The following ANKRD28 variants were observed in gnomAD, a reference collection of about 807,000 sequenced individuals.
ANKRD28 encodes ankyrin repeat domain 28, also known as serine/threonine-protein phosphatase 6 regulatory ankyrin repeat subunit A.
Under a neutral mutation model 126.5 loss-of-function variants are expected in ANKRD28, and 44 were observed. The observed-to-expected ratio is 0.35, with a 90% CI of 0.27 to 0.45. The LOEUF (loss-of-function observed/expected upper bound fraction) is 0.45. Ranked by LOEUF, ANKRD28 falls within the 20% of genes least tolerant of loss-of-function variation. The pLI, the probability that ANKRD28 is intolerant of heterozygous loss-of-function variation, is 1.00. For missense variants in ANKRD28, 1,110 were observed against 1,316.6 expected, an observed-to-expected ratio of 0.84 and a Z score of 2.43; for synonymous variants, 442 against 468.5, an observed-to-expected ratio of 0.94 and a Z score of 0.73.
Position 15,775,421 on chromosome 3 carries a change from T to C in ANKRD28, c.202-9109A>G, listed in dbSNP as rs184656181. On this transcript the variant is annotated intron_variant, in intron 2 of 27. Coordinates refer to ENST00000683139, the MANE Select transcript of ANKRD28 (RefSeq NM_001349278.2). ...AGGACACCAGCTGGGTGTACTCTAATTCCATTTAATCCTGACACTATCTAC... is the reference window on the plus strand; with the variant it reads ...AGGACACCAGCTGGGTGTACTCTAACTCCATTTAATCCTGACACTATCTAC... Among the ~76,000 whole-genome samples, 20 of 152,292 alleles carry C rather than the reference T, an allele frequency of 1.3e-4. 1 individual carries two copies. The East Asian group carries it at 1.4e-3, about 10-fold the overall frequency.
chr3:15,837,850 T>C (rs1178954702), intron 1 of ANKRD28, among the ~76,000 whole-genome samples: 5 of 147,702 alleles, frequency 3.4e-5, no homozygotes, highest in African/African-American at 1.3e-4. Flanking sequence ...TTTGGTTTTT[T>C]AAAAAGACCA....
intron 18 of ANKRD28, among the ~76,000 whole-genome samples, chr3:15,688,272 C>T (rs2068379247): frequency 6.6e-6 from 1 of 152,110 alleles, no homozygotes. Context: ...TCACAGATCC[C>T]ATCCAGTGTA....
At chr3:15,718,355 T>C (rs115546897) in intron 8 of ANKRD28, among the ~76,000 whole-genome samples, 263 of 152,340 alleles carry the variant, frequency 1.7e-3, no homozygotes, top group African/African-American at 5.9e-3. Flanking sequence ...TACTTAAATA[T>C]ATCTTAATGC....
chr3:15,693,390 A>T (rs544043226), intron 17 of ANKRD28, among the ~76,000 whole-genome samples: 1 of 144,162 alleles, frequency 6.9e-6, no homozygotes, highest in East Asian at 2.0e-4. Flanking sequence ...GTTAACTTGC[A>T]AGCACAAAAA....
chr3:15,721,140 A>T lies in ANKRD28; in HGVS notation c.784-13T>A, dbSNP rs770131359. On this transcript the variant is annotated splice_polypyrimidine_tract_variant and intron_variant, in intron 7 of 27. Transcript: ENST00000683139. ...TTGGTTCATTCATCTATTAGAAGGGAAAAAAATGCGAATGTTAAAGTAGTT... is the reference window on the plus strand; with the variant it reads ...TTGGTTCATTCATCTATTAGAAGGGTAAAAAATGCGAATGTTAAAGTAGTT... 1.6e-5 allele frequency: 26 copies of T among 1,588,886 alleles called. No homozygotes were observed. The highest frequency in any genetic ancestry group is 2.2e-5 in the Non-Finnish European group (26 of 1,166,384).
At chr3:15,734,221 C>T (rs1236041239) in intron 6 of ANKRD28, among the ~76,000 whole-genome samples, 3 of 152,194 alleles carry the variant, frequency 2.0e-5, no homozygotes, top group Non-Finnish European at 4.4e-5. Context: ...AACCAATCCT[C>T]CACATATATG....
chr3:15,686,162 T>A (rs1270143913), intron 19 of ANKRD28, 43 bp from the exon 20 acceptor site: 22 of 1,598,218 alleles, frequency 1.4e-5, no homozygotes, highest in Non-Finnish European at 1.8e-5. Flanking sequence ...CACTTAAGAC[T>A]GTACTCTGGT....
chr3:15,836,617 C>T (rs370794541), intron 1 of ANKRD28, among the ~76,000 whole-genome samples: 11 of 152,040 alleles, frequency 7.2e-5, no homozygotes, highest in African/African-American at 1.2e-4. Context: ...CAGGCTGAAA[C>T]GATGGAAAAA....
At chr3:15,692,054 C>T (rs533164975) in intron 17 of ANKRD28, among the ~76,000 whole-genome samples, 47 of 150,366 alleles carry the variant, frequency 3.1e-4, no homozygotes, top group Non-Finnish European at 6.1e-4. Flanking sequence ...GCGGAAGTAT[C>T]ACTTGAGTCT....
At chr3:15,766,425 A>G in intron 2 of ANKRD28, 113 bp from the exon 3 acceptor site, 1 of 713,716 alleles carries the variant, frequency 1.4e-6, no homozygotes, top group Non-Finnish European at 2.4e-6. Flanking sequence ...ATTAACTATC[A>G]ACTTATTACT....
intron 1 of ANKRD28, among the ~76,000 whole-genome samples, chr3:15,855,561 G>T (rs917517657): frequency 1.3e-5 from 2 of 152,224 alleles, no homozygotes; most frequent in Non-Finnish European, 2.9e-5. Flanking sequence ...GCAGTGAGAT[G>T]ACCTGAGTAC....
chr3:15,796,989 G>A lies in ANKRD28; in HGVS notation c.-468C>T. On this transcript the variant is annotated 5_prime_UTR_variant, in exon 1 of 28. Coordinates refer to ENST00000683139, the MANE Select transcript of ANKRD28 (RefSeq NM_001349278.2). ...CAGCGATACCCACTCTTGCCTGCAAGGTCATATAGTTACCAGTAGCTGTTT... is the reference window on the plus strand; with the variant it reads ...CAGCGATACCCACTCTTGCCTGCAAAGTCATATAGTTACCAGTAGCTGTTT... The A allele has an allele frequency of 1.0e-6, 1 of 985,164 alleles. No homozygotes were observed. The highest frequency in any genetic ancestry group is 1.2e-6 in the Non-Finnish European group (1 of 829,882). The allele number at this position is 985,164 out of a possible 1,614,324, so 61.0% of individuals were successfully genotyped here. A position where few individuals can be genotyped will look rare whatever the true frequency, so the allele number is the denominator to read the frequency against.
rs375572764 is a variant in ANKRD28, at chr3:15,685,982, A to C, written c.2169+20T>G. 33 of 1,595,654 alleles carry C rather than the reference A, an allele frequency of 2.1e-5. No homozygotes were observed. Among genetic ancestry groups the C allele is most frequent in the Non-Finnish European group, 2.6e-5 (30 of 1,166,290 alleles). ...AGGTCATAAAAGCTTTTTGAAAGGA[A>C]AGAGCATATTTCTGCTTACCCCTCT... On this transcript the variant is annotated intron_variant, in intron 20 of 27. Transcript: ENST00000683139.
intron 23 of ANKRD28, among the ~76,000 whole-genome samples, chr3:15,678,588 T>C (rs1306935042): frequency 1.3e-5 from 2 of 151,960 alleles, no homozygotes; most frequent in Non-Finnish European, 2.9e-5. Flanking sequence ...GAAGTAAAGA[T>C]TAATTACAAA....
At chr3:15,765,929 A>G (rs778447939) in intron 3 of ANKRD28, among the ~76,000 whole-genome samples, 6 of 151,628 alleles carry the variant, frequency 4.0e-5, no homozygotes, top group Non-Finnish European at 7.4e-5. Context: ...CTACCTTTCA[A>G]TTTTTTCAAA....
chr3:15,847,838 T>C (rs548143307), intron 1 of ANKRD28, among the ~76,000 whole-genome samples: 1 of 152,344 alleles, frequency 6.6e-6, no homozygotes, highest in East Asian at 1.9e-4. Flanking sequence ...CCAGAATTGA[T>C]TCAAAACAAA....
chr3:15,833,037 T>C lies in ANKRD28; in HGVS notation c.27+26340A>G, dbSNP rs1251422218. On this transcript the variant is annotated intron_variant, in intron 1 of 27. Coordinates refer to the ANKRD28 transcript ENST00000399451. The surrounding 1 kb of genome is among the most constrained non-coding windows in gnomAD (Gnocchi z 4.4). ...CCATAAGGATTTTACTAACTTACAT[T>C]CCCACCAATAGTGTATAGTGTATAA... is the stretch of plus-strand genomic sequence containing the variant. 6.6e-6 allele frequency among the ~76,000 whole-genome samples: 1 copy of C among 152,200 alleles called. No homozygotes were observed. Among genetic ancestry groups the C allele is most frequent in the African/African-American group, 2.4e-5 (1 of 41,442 alleles).
rs1236695609 is a variant in ANKRD28 at position 15,679,320 on chromosome 3, C to T, written c.2542G>A (p.Ala848Thr). The T allele has an allele frequency of 3.1e-6, 5 of 1,613,762 alleles. No homozygotes were observed. Among genetic ancestry groups the T allele is most frequent in the South Asian group, 1.1e-5 (1 of 91,086 alleles). ...TCCTACCTTCCTTTTGAATCTGTGG[C>T]GTTCACAATGCTGGCACCTAATGTA... ...IDTLGASIVN[A>T]TDSKGRTPLH... Residue 848 changes from alanine (A) to threonine (T), a missense_variant, in exon 23 of 28, where the codon GCC becomes ACC. By Grantham distance (58) the Ala-to-Thr change is moderately conservative (BLOSUM62 0). Coordinates refer to ENST00000683139, the MANE Select transcript of ANKRD28 (RefSeq NM_001349278.2).
At chr3:15,847,083 C>T (rs1448115022) in intron 1 of ANKRD28, among the ~76,000 whole-genome samples, 1 of 152,182 alleles carries the variant, frequency 6.6e-6, no homozygotes, top group African/African-American at 2.4e-5. Context: ...AGAAGATCAT[C>T]ATTCAGCAGG....
Sources: allele counts gnomAD v4.1 joint callset (sites outside exome capture counted in the v4.1 genomes callset), GRCh38; gene constraint gnomAD v4.1.1; non-coding constraint Gnocchi (gnomAD v3.1); transcripts MANE v1.5; gene names NCBI Gene and HGNC (gene_info 2026-07-23, HGNC 2026-07-21).